The following HLCS variants were observed in gnomAD, a reference collection of about 807,000 sequenced individuals.
The protein encoded by HLCS is holocarboxylase synthetase, also known as biotin--protein ligase.
Under a neutral mutation model 75.0 loss-of-function variants are expected in HLCS, and 53 were observed. The ratio of observed to expected loss-of-function variants is 0.71; its 90% CI spans 0.57 to 0.89. HLCS has a LOEUF of 0.89. Ranked by LOEUF, HLCS falls within the 40% of genes least tolerant of loss-of-function variation. HLCS has a pLI of 0.00. For missense variants in HLCS, 966 were observed against 1,074.0 expected (o/e 0.90, Z 1.41); for synonymous variants, 431 against 428.6 (o/e 1.01, Z -0.07).
intron 1 of HLCS, among the ~76,000 whole-genome samples, chr21:36,978,361 G>A (rs1241088993): frequency 2.0e-5 from 3 of 151,326 alleles, no homozygotes; most frequent in African/African-American, 7.4e-5. Context: ...GCCAGGCATG[G>A]TGGTGCAACG....
intron 6 of HLCS, among the ~76,000 whole-genome samples, chr21:36,786,323 G>A (rs1320811579): frequency 2.7e-5 from 4 of 149,490 alleles, no homozygotes; most frequent in Non-Finnish European, 5.9e-5. Context: ...GTACCATACC[G>A]CCAAAGGTGT....
chr21:36,759,197 G>A (rs1335812111), intron 9 of HLCS: 1 of 471,122 alleles, frequency 2.1e-6, no homozygotes, highest in Non-Finnish European at 4.4e-6. Flanking sequence ...GGACGGCCAG[G>A]AACCTAAGGA....
At chr21:36,970,772 C>G (rs867070916), upstream of HLCS, among the ~76,000 whole-genome samples, 2 of 152,050 alleles carry the variant, frequency 1.3e-5, no homozygotes, top group Admixed American at 1.3e-4. Flanking sequence ...ATGGGCAGAT[C>G]ACGAGGTCAG....
At chr21:36,829,310 C>T (rs2062115070) in intron 6 of HLCS, among the ~76,000 whole-genome samples, 1 of 152,190 alleles carries the variant, frequency 6.6e-6, no homozygotes, top group South Asian at 2.1e-4. Flanking sequence ...TCCCCGCCCA[C>T]CTCTGTCACC....
rs557719503 is a variant in HLCS at position 36,938,269 on chromosome 21, C to T, written c.493+563G>A. 3.7e-4 allele frequency among the ~76,000 whole-genome samples: 56 copies of T among 152,272 alleles called. 1 individual carries two copies. The South Asian group carries it at 0.011, about 30-fold the overall frequency. ...ATGTGAAATAAATATTATATGGGTTCTGAATTTGAATGCCACCTCATGAGC... is the reference window on the plus strand; with the variant it reads ...ATGTGAAATAAATATTATATGGGTTTTGAATTTGAATGCCACCTCATGAGC... On this transcript the variant is annotated intron_variant, in intron 3 of 10. Transcript: ENST00000674895.
At chr21:36,956,024 T>C (rs2067923462) in intron 2 of HLCS, among the ~76,000 whole-genome samples, 1 of 152,170 alleles carries the variant, frequency 6.6e-6, no homozygotes, top group Non-Finnish European at 1.5e-5. Context: ...CATCTAGACT[T>C]GTATAAGTAC....
intron 6 of HLCS, among the ~76,000 whole-genome samples, chr21:36,777,261 TC>T (rs146700167): frequency 0.015 from 2,340 of 152,250 alleles, 62 homozygotes; most frequent in African/African-American, 0.053. Context: ...TCCCTTCCCC[TC>T]CCCGAACCCT....
chr21:36,922,449 T>C (rs2066212493), intron 5 of HLCS, among the ~76,000 whole-genome samples: 2 of 152,196 alleles, frequency 1.3e-5, no homozygotes, highest in African/African-American at 4.8e-5. Flanking sequence ...AACATGGTAG[T>C]ACCTGGATAG....
In HLCS at chr21:36,936,474, C is replaced by T. The variant is rs61732501; in HGVS notation, c.1412G>A (p.Arg471His). The T allele has an allele frequency of 0.011, 17,748 of 1,614,160 alleles. 116 individuals carry two copies. Among genetic ancestry groups the T allele is most frequent in the South Asian group, 0.016 (1,497 of 91,080 alleles). Residue 471 changes from arginine to histidine, a missense_variant, in exon 4 of 11, where the codon CGC becomes CAC. Coordinates refer to ENST00000674895, the MANE Select transcript of HLCS (RefSeq NM_001352514.2). ...RMIVHVPFGT[R>H]GGEAVLCQVH... ...CTGGCAAAGAACAGCTTCTCCCCCG[C>T]GAGTTCCAAAAGGCACATGCACAAT... is the stretch of plus-strand genomic sequence containing the variant.
intron 1 of HLCS, among the ~76,000 whole-genome samples, chr21:36,985,803 C>T (rs146049172): frequency 4.4e-4 from 66 of 151,708 alleles, no homozygotes; most frequent in African/African-American, 1.5e-3. Flanking sequence ...CATTATATTG[C>T]AGCTGGTCCC....
intron 10 of HLCS, among the ~76,000 whole-genome samples, chr21:36,755,707 G>A (rs559267624): frequency 4.6e-5 from 7 of 152,286 alleles, no homozygotes; most frequent in African/African-American, 7.2e-5. Context: ...TTGTTTGTGC[G>A]CAGACCTGAC....
intron 6 of HLCS, among the ~76,000 whole-genome samples, chr21:36,821,773 C>T (rs906573170): frequency 2.6e-5 from 4 of 152,108 alleles, no homozygotes; most frequent in African/African-American, 9.7e-5. Flanking sequence ...AAAACACCAG[C>T]GATTATCCTG....
chr21:36,937,579 C>G (rs2066953602), intron 3 of HLCS, among the ~76,000 whole-genome samples, 187 bp from the exon 4 acceptor site: 1 of 152,158 alleles, frequency 6.6e-6, no homozygotes, highest in African/African-American at 2.4e-5. Context: ...CTAATTGTTC[C>G]CACCTGAAGA....
intron 6 of HLCS, among the ~76,000 whole-genome samples, chr21:36,810,023 G>A (rs1308549268): frequency 2.6e-5 from 4 of 152,270 alleles, no homozygotes; most frequent in East Asian, 1.9e-4. Context: ...GATTACAGGC[G>A]TGAGCCGTGG....
intron 5 of HLCS, among the ~76,000 whole-genome samples, chr21:36,917,330 G>C (rs2065975526): frequency 6.6e-6 from 1 of 152,170 alleles, no homozygotes; most frequent in African/African-American, 2.4e-5. Context: ...AAGGGCTGCT[G>C]AACCATTCTG....
chr21:36,783,871 G>C (rs921656884), intron 6 of HLCS, among the ~76,000 whole-genome samples: 7 of 151,514 alleles, frequency 4.6e-5, no homozygotes, highest in South Asian at 2.1e-4. Flanking sequence ...ACACTTGATT[G>C]CCACCTCAAT....
chr21:36,838,298 T>TATCACACA (rs2062484969), intron 6 of HLCS, among the ~76,000 whole-genome samples: 1 of 127,302 alleles, frequency 7.9e-6, no homozygotes, highest in Non-Finnish European at 1.6e-5. Flanking sequence ...GGGTGAATGA[T>TATCACACA]CACACACACA....
At chr21:36,808,660 T>C (rs906718041) in intron 6 of HLCS, among the ~76,000 whole-genome samples, 2 of 152,210 alleles carry the variant, frequency 1.3e-5, no homozygotes, top group African/African-American at 4.8e-5. Context: ...AAAATTCTTA[T>C]ATGATTAACA....
At chr21:36,984,609 G>C (rs2069191836) in intron 1 of HLCS, among the ~76,000 whole-genome samples, 1 of 152,208 alleles carries the variant, frequency 6.6e-6, no homozygotes. Flanking sequence ...GCTCAATAAT[G>C]TGTACACATG....
Sources: allele counts gnomAD v4.1 joint callset (sites outside exome capture counted in the v4.1 genomes callset), GRCh38; gene constraint gnomAD v4.1.1; transcripts MANE v1.5; gene names NCBI Gene and HGNC (gene_info 2026-07-23, HGNC 2026-07-21).